The following DOCK5 variants were observed in gnomAD, a reference collection of about 807,000 sequenced individuals.
The protein encoded by DOCK5 is dedicator of cytokinesis 5, also known as dedicator of cytokinesis protein 5.
A neutral mutation model predicts 251.8 loss-of-function variants in DOCK5; 142 were observed. The observed-to-expected ratio is 0.56, with a 90% CI of 0.49 to 0.65. DOCK5 has a LOEUF of 0.65. Ranked by LOEUF, DOCK5 falls within the 30% of genes least tolerant of loss-of-function variation. The pLI, the probability that DOCK5 is intolerant of heterozygous loss-of-function variation, is 0.00. For synonymous variants in DOCK5, 842 were observed against 835.5 expected, an observed-to-expected ratio of 1.01 and a Z score of -0.13; for missense variants, 2,111 against 2,312.3, an observed-to-expected ratio of 0.91 and a Z score of 1.79.
At chr8:25,407,068 C>A (rs906216588) in intron 48 of DOCK5, among the ~76,000 whole-genome samples, 1 of 151,976 alleles carries the variant, frequency 6.6e-6, no homozygotes, top group African/African-American at 2.4e-5. Context: ...AACCATAAAA[C>A]TTCATTATAG....
At chr8:25,218,617 A>G (rs569488644) in intron 1 of DOCK5, among the ~76,000 whole-genome samples, 49 of 152,328 alleles carry the variant, frequency 3.2e-4, no homozygotes, top group African/African-American at 1.0e-3. Flanking sequence ...GTTCAGCTGT[A>G]TGCTGGGGGC....
At chr8:25,228,323 G>A (rs1802582010) in intron 1 of DOCK5, among the ~76,000 whole-genome samples, 1 of 152,210 alleles carries the variant, frequency 6.6e-6, no homozygotes, top group African/African-American at 2.4e-5. Flanking sequence ...CATACATGAT[G>A]CAGGATAGGT....
chr8:25,409,953 C>G, intron 50 of DOCK5, 146 bp from the exon 51 acceptor site: 1 of 659,710 alleles, frequency 1.5e-6, no homozygotes, highest in East Asian at 2.8e-5. Flanking sequence ...AAGAAGTCTT[C>G]TTCGTTCTAT....
intron 22 of DOCK5, among the ~76,000 whole-genome samples, chr8:25,336,581 G>A (rs1563206297): frequency 6.6e-6 from 1 of 152,132 alleles, no homozygotes; most frequent in Non-Finnish European, 1.5e-5. Context: ...AAAATTCTGG[G>A]GCAGTAATGA....
At chr8:25,410,327 C>A in intron 51 of DOCK5, 125 bp downstream of exon 51, 1 of 758,574 alleles carries the variant, frequency 1.3e-6, no homozygotes, top group Non-Finnish European at 2.2e-6. Flanking sequence ...CGATTCTTGG[C>A]TCATTCCTGA....
At chr8:25,404,942 C>T (rs1484934929) in intron 48 of DOCK5, among the ~76,000 whole-genome samples, 1 of 151,990 alleles carries the variant, frequency 6.6e-6, no homozygotes. Flanking sequence ...TTCTTGTATA[C>T]TTTTTGTTTG....
rs770463893 is a variant in DOCK5 at position 25,368,232 on chromosome 8, G to A, written c.3265G>A (p.Asp1089Asn). 8.1e-6 allele frequency: 13 copies of A among 1,612,758 alleles called. No homozygotes were observed. Among genetic ancestry groups the A allele is most frequent in the Admixed American group, 5.0e-5 (3 of 59,876 alleles). Residue 1089 changes from aspartate to asparagine, a missense_variant, in exon 32 of 52, where the codon GAC becomes AAC. Asp to Asn is a conservative substitution (Grantham distance 23). Transcript: ENST00000276440. ...AAAGGAAATCGGCTTTAGAATCCGGGACATGTGGTATAACCTGGGTGAGTG... is the reference window on the plus strand; with the variant it reads ...AAAGGAAATCGGCTTTAGAATCCGGAACATGTGGTATAACCTGGGTGAGTG... ...MRKEIGFRIR[D>N]MWYNLGPHKI...
At chr8:25,410,989 A>G (rs2321246) in intron 51 of DOCK5, among the ~76,000 whole-genome samples, 24,166 of 118,624 alleles carry the variant, frequency 0.2, 2,556 homozygotes, top group Non-Finnish European at 0.23. Flanking sequence ...GCGCGCACGC[A>G]CGCACGCACG....
chr8:25,307,122 CT>C lies in DOCK5; in HGVS notation c.1050-1647del, dbSNP rs747987347. On this transcript the variant is annotated intron_variant, in intron 11 of 51. Transcript: ENST00000276440. ...GAAATGTTTCAGCTCCATTAATAAT[CT>C]TTTTTTTTTTTTTGAGACGGAGATT... Among the ~76,000 whole-genome samples, 576 of 145,172 alleles carry C rather than the reference CT, an allele frequency of 4.0e-3. 1 individual carries two copies. The highest frequency in any genetic ancestry group is 6.2e-3 in the African/African-American group (248 of 39,816).
chr8:25,399,776 C>A, intron 45 of DOCK5, 135 bp from the exon 46 acceptor site: 2 of 648,106 alleles, frequency 3.1e-6, no homozygotes, highest in South Asian at 1.9e-5. Flanking sequence ...AGTATAAGAG[C>A]TGTCTGAGGA....
In DOCK5 at chr8:25,264,241, A is replaced by G. The variant is rs889103375; in HGVS notation, c.128-4604A>G. ...GCCGGGCATGGTGGCATGCACCTGT[A>G]TTCCCAGCTACCAGGGGTCGGGGTT... is the stretch of plus-strand genomic sequence containing the variant. On this transcript the variant is annotated intron_variant, in intron 2 of 51. Transcript: ENST00000276440. Among the ~76,000 whole-genome samples, 13 of 151,710 alleles carry G rather than the reference A, an allele frequency of 8.6e-5. 1 individual carries two copies. In the South Asian group the frequency reaches 2.5e-3, roughly 29 times the overall value.
At chr8:25,272,349 A>C (rs192334039) in intron 3 of DOCK5, among the ~76,000 whole-genome samples, 1 of 152,190 alleles carries the variant, frequency 6.6e-6, no homozygotes, top group Admixed American at 6.5e-5. Flanking sequence ...TCCTAATATG[A>C]AAATCATCAT....
intron 1 of DOCK5, among the ~76,000 whole-genome samples, chr8:25,210,068 G>C (rs1453840080): frequency 0.023 from 440 of 19,100 alleles, 99 homozygotes; most frequent in Admixed American, 0.042. Flanking sequence ...GTGTGTGTGT[G>C]TATCTGTCTA....
intron 27 of DOCK5, among the ~76,000 whole-genome samples, 158 bp from the exon 28 acceptor site, chr8:25,358,805 G>T (rs1054407732): frequency 1.3e-4 from 20 of 152,172 alleles, no homozygotes; most frequent in African/African-American, 4.6e-4. Context: ...CGCAAAGCAC[G>T]TGGCCTTTGG....
intron 5 of DOCK5, 134 bp downstream of exon 5, chr8:25,278,799 G>A: frequency 1.3e-6 from 1 of 791,172 alleles, no homozygotes; most frequent in Non-Finnish European, 2.0e-6. Context: ...CACAAAGGCT[G>A]ATAAGCAGCA....
At chr8:25,280,384 C>T (rs1361620531) in intron 5 of DOCK5, among the ~76,000 whole-genome samples, 3 of 152,184 alleles carry the variant, frequency 2.0e-5, no homozygotes, top group Admixed American at 2.0e-4. Flanking sequence ...ACCCTAAATA[C>T]TGAAGGCAGT....
intron 1 of DOCK5, among the ~76,000 whole-genome samples, chr8:25,234,954 A>AG (rs1586250950): frequency 6.7e-6 from 1 of 149,200 alleles, no homozygotes; most frequent in East Asian, 1.9e-4. Context: ...TTTATTGATG[A>AG]GGGGTTAGTG....
chr8:25,327,442 A>G (rs2117210134), intron 18 of DOCK5, among the ~76,000 whole-genome samples: 1 of 152,314 alleles, frequency 6.6e-6, no homozygotes, highest in African/African-American at 2.4e-5. Flanking sequence ...TCCTTTCTGG[A>G]CTACAGATTA....
intron 38 of DOCK5, among the ~76,000 whole-genome samples, chr8:25,379,082 A>C (rs1295434050): frequency 3.9e-5 from 6 of 152,214 alleles, no homozygotes; most frequent in Admixed American, 1.3e-4. Flanking sequence ...AACAGGACAA[A>C]GGGCAAAAGG....
Sources: gnomAD v4.1 joint callset for allele counts (sites outside exome capture counted in the v4.1 genomes callset) on GRCh38, gnomAD v4.1.1 for gene constraint, MANE v1.5 for transcripts, NCBI Gene and HGNC (gene_info 2026-07-23, HGNC 2026-07-21) for gene names.